Variants in TCF4 observed in about 807,000 individuals in gnomAD.
The protein encoded by TCF4 is transcription factor 4.
A neutral mutation model predicts 82.1 loss-of-function variants in TCF4; 3 were observed. The ratio of observed to expected loss-of-function variants is 0.04; its 90% CI spans 0.02 to 0.09. The LOEUF is 0.09. Among genes scored for constraint, TCF4 ranks in the 10% least tolerant of loss-of-function variants. TCF4 has a pLI of 1.00. For synonymous variants in TCF4, 276 were observed against 309.6 expected (o/e 0.89, Z 1.14); for missense variants, 518 against 852.7 (o/e 0.61, Z 4.89).
chr18:55,537,886 G>C (rs992609388), intron 3 of TCF4, among the ~76,000 whole-genome samples: 1 of 152,118 alleles, frequency 6.6e-6, no homozygotes, highest in Non-Finnish European at 1.5e-5. Context: ...ATGCACCCAG[G>C]AAGGATAAAT....
At chr18:55,466,408 G>C (rs1298811914) in intron 3 of TCF4, among the ~76,000 whole-genome samples, 1 of 152,050 alleles carries the variant, frequency 6.6e-6, no homozygotes, top group Non-Finnish European at 1.5e-5. Flanking sequence ...GAGGCAGGAA[G>C]ATCCCTTGAG....
intron 5 of TCF4, among the ~76,000 whole-genome samples, chr18:55,425,227 G>A (rs1306908447): frequency 2.0e-5 from 3 of 152,130 alleles, no homozygotes; most frequent in Admixed American, 2.0e-4. Flanking sequence ...ACAGGCAAAG[G>A]CAATTTTACA....
At chr18:55,494,957 CCTTT>C (rs894413452) in intron 3 of TCF4, among the ~76,000 whole-genome samples, 8 of 135,988 alleles carry the variant, frequency 5.9e-5, no homozygotes, top group African/African-American at 2.3e-4. Context: ...GATAATGAAG[CCTTT>C]CTTTAAAAAA....
Position 55,464,123 on chromosome 18 carries a change from T to G in TCF4, c.160A>C (p.Ser54Arg). ...HFTGSNVEDR[S>R]SSGSWGNGGH... ...CCATTCCCCCAGGACCCTGAGCTAC[T>G]TCTGTCTTCTACATCTAGGGACAAG... The change falls in exon 4 of 20, where the codon AGT becomes CGT. Residue 54 changes from serine (S) to arginine (R), a missense_variant. This residue lies in a region of TCF4 where 80 missense variants were observed against 93.8 expected (regional missense o/e 0.85). Transcript: ENST00000354452. The G allele has an allele frequency of 6.2e-7, 1 of 1,614,098 alleles. No individual in the cohort carries two copies. Among genetic ancestry groups the G allele is most frequent in the South Asian group, 1.1e-5 (1 of 91,082 alleles).
At chr18:55,294,259 CAAAAAAAAA>C (rs200252676) in intron 8 of TCF4, among the ~76,000 whole-genome samples, 3,050 of 137,544 alleles carry the variant, frequency 0.022, 75 homozygotes, top group Middle Eastern at 0.029. Flanking sequence ...GAATCTGTCT[CAAAAAAAAA>C]GAAAAAAAAG....
At chr18:55,456,068 G>A (rs1285380795) in intron 5 of TCF4, among the ~76,000 whole-genome samples, 1 of 152,216 alleles carries the variant, frequency 6.6e-6, no homozygotes, top group Non-Finnish European at 1.5e-5. Context: ...TAAACTCAGG[G>A]TAGCCATAAA....
At chr18:55,405,441 T>C (rs2094037826) in intron 5 of TCF4, among the ~76,000 whole-genome samples, 1 of 152,168 alleles carries the variant, frequency 6.6e-6, no homozygotes, top group African/African-American at 2.4e-5. Context: ...TGTCCTGTTT[T>C]GGTAATTTCT....
intron 6 of TCF4, among the ~76,000 whole-genome samples, chr18:55,389,728 C>T (rs1271527294): frequency 3.3e-5 from 5 of 152,000 alleles, no homozygotes; most frequent in Non-Finnish European, 7.4e-5. Context: ...GGCCCCAAAG[C>T]CAAGGAACAA....
intron 2 of TCF4, among the ~76,000 whole-genome samples, chr18:55,608,369 A>ATTTTTTTTTTT (rs746413576): frequency 1.7e-5 from 2 of 117,268 alleles, no homozygotes; most frequent in Non-Finnish European, 3.4e-5. Flanking sequence ...TTGCCACAGT[A>ATTTTTTTTTTT]TTTTTTTTTT....
intron 2 of TCF4, among the ~76,000 whole-genome samples, chr18:55,626,895 G>A (rs888325659): frequency 6.6e-6 from 1 of 152,318 alleles, no homozygotes; most frequent in East Asian, 1.9e-4. Flanking sequence ...AGCACAAATT[G>A]TGTAGGCAAA....
chr18:55,553,171 T>G (rs752482389), intron 3 of TCF4: 1 of 152,188 alleles, frequency 6.6e-6, no homozygotes, highest in African/African-American at 2.4e-5. Flanking sequence ...ACCAAAGCAC[T>G]TAGATAATTC....
intron 3 of TCF4, among the ~76,000 whole-genome samples, chr18:55,492,775 C>A (rs372857787): frequency 6.6e-6 from 1 of 152,168 alleles, no homozygotes; most frequent in East Asian, 1.9e-4. Context: ...CACGAATGCC[C>A]CAGTTGCCCT....
intron 3 of TCF4, among the ~76,000 whole-genome samples, chr18:55,476,088 G>A (rs185210219): frequency 1.7e-4 from 26 of 152,154 alleles, no homozygotes; most frequent in Middle Eastern, 3.4e-3. Flanking sequence ...TGCCATTTCA[G>A]AGGCACTTCC....
intron 9 of TCF4, 94 bp from the exon 10 acceptor site, chr18:55,275,846 T>G: frequency 1.3e-6 from 2 of 1,501,316 alleles, no homozygotes; most frequent in Non-Finnish European, 1.8e-6. Flanking sequence ...GACTGCCTGT[T>G]GTGTTATTCA....
intron 3 of TCF4, among the ~76,000 whole-genome samples, chr18:55,514,168 T>C (rs2146345352): frequency 6.6e-6 from 1 of 152,228 alleles, no homozygotes; most frequent in East Asian, 1.9e-4. Context: ...TACTGTATCT[T>C]TTCCCCATGG....
chr18:55,507,686 G>A (rs2096778234), intron 3 of TCF4, among the ~76,000 whole-genome samples: 1 of 152,184 alleles, frequency 6.6e-6, no homozygotes, highest in African/African-American at 2.4e-5. Context: ...CACCTGAACA[G>A]CAACAGCTAA....
At chr18:55,577,139 C>G (rs1039404093) in intron 3 of TCF4, among the ~76,000 whole-genome samples, 1 of 135,652 alleles carries the variant, frequency 7.4e-6, no homozygotes, top group Admixed American at 7.4e-5. Flanking sequence ...TTTATATATA[C>G]ATTTATATAT....
intron 2 of TCF4, chr18:55,596,105 C>T (rs775082342): frequency 3.2e-5 from 14 of 438,856 alleles, no homozygotes; most frequent in East Asian, 1.7e-4. Flanking sequence ...TGATGACTCA[C>T]GCCTATCCCG....
At chr18:55,583,764 C>CA (rs1491234837) in intron 3 of TCF4, among the ~76,000 whole-genome samples, 1 of 114,672 alleles carries the variant, frequency 8.7e-6, no homozygotes. Context: ...CTGTCAAAAA[C>CA]AGTTAGTTTT....
Sources: allele counts gnomAD v4.1 joint callset (sites outside exome capture counted in the v4.1 genomes callset), GRCh38; gene constraint gnomAD v4.1.1; regional missense constraint gnomAD v4.1.1; transcripts MANE v1.5; gene names NCBI Gene and HGNC (gene_info 2026-07-23, HGNC 2026-07-21).